KMT2C: variants seen among roughly 807,000 people sequenced by gnomAD.
The protein encoded by KMT2C is histone-lysine N-methyltransferase 2C.
KMT2C carries 88 observed loss-of-function variants against 507.9 expected under a neutral mutation model. The observed-to-expected ratio is 0.17, with a 90% CI of 0.15 to 0.21. The LOEUF is 0.21. Among genes scored for constraint, KMT2C ranks in the 10% least tolerant of loss-of-function variants. KMT2C has a pLI of 1.00. For missense variants in KMT2C, 4,954 were observed against 5,957.8 expected (o/e 0.83, Z 5.55); for synonymous variants, 2,049 against 2,080.8 (o/e 0.98, Z 0.42).
intron 1 of KMT2C, among the ~76,000 whole-genome samples, chr7:152,403,715 T>TACACACACAC (rs36191060): frequency 1.4e-5 from 2 of 145,530 alleles, no homozygotes; most frequent in African/African-American, 5.1e-5. Context: ...CTGGGACACA[T>TACACACACAC]ACACACACAC....
intron 23 of KMT2C, among the ~76,000 whole-genome samples, chr7:152,216,944 C>A (rs902033183): frequency 6.6e-6 from 1 of 152,168 alleles, no homozygotes; most frequent in African/African-American, 2.4e-5. Context: ...TGGCATGCAT[C>A]CTTGCACCTC....
intron 1 of KMT2C, among the ~76,000 whole-genome samples, chr7:152,411,100 C>T (rs2097678408): frequency 6.6e-6 from 1 of 152,008 alleles, no homozygotes; most frequent in South Asian, 2.1e-4. Context: ...ATACTTAATG[C>T]TTTAATAAGG....
chr7:152,273,585 A>C (rs2096017270), intron 7 of KMT2C, 120 bp downstream of exon 7: 2 of 1,029,246 alleles, frequency 1.9e-6, no homozygotes, highest in East Asian at 6.3e-5. Flanking sequence ...CTCAGATTTT[A>C]AAGATTATGT....
At chr7:152,347,719 T>C (rs751056598) in intron 2 of KMT2C, among the ~76,000 whole-genome samples, 1 of 152,240 alleles carries the variant, frequency 6.6e-6, no homozygotes, top group Non-Finnish European at 1.5e-5. Context: ...CTTTCAGTAA[T>C]AGATTTGTGT....
At chr7:152,381,358 AG>A (rs1287901098) in intron 1 of KMT2C, among the ~76,000 whole-genome samples, 1 of 46,746 alleles carries the variant, frequency 2.1e-5, no homozygotes, top group South Asian at 9.4e-4. Context: ...GGGGGCAGGG[AG>A]GGGGGGAGGG....
chr7:152,228,617 C>T (rs1182803837), intron 18 of KMT2C, among the ~76,000 whole-genome samples: 1 of 152,144 alleles, frequency 6.6e-6, no homozygotes, highest in African/African-American at 2.4e-5. Context: ...GTAAGTCGTA[C>T]TCATCTGTAA....
At chr7:152,267,675 T>C (rs1217237123) in intron 7 of KMT2C, among the ~76,000 whole-genome samples, 1 of 152,224 alleles carries the variant, frequency 6.6e-6, no homozygotes, top group African/African-American at 2.4e-5. Context: ...TCTGACATCC[T>C]GTCTAAATCA....
rs542205512 is a variant in KMT2C at position 152,139,765 on chromosome 7, G to A, written c.14370C>T (p.Asp4790=). ...IQGLGLYAAR[D]IEKHTMVIEY... is the part of the protein sequence containing the mutation. ...CAATGACCATGGTGTGTTTCTCAAT[G>A]TCTCGAGCAGCATACAGGCCCAGCC... is the stretch of plus-strand genomic sequence containing the variant. The change falls in exon 56 of 59, where the codon GAC becomes GAT. Residue 4790 remains aspartate, a synonymous_variant. Coordinates refer to ENST00000262189, the MANE Select transcript of KMT2C (RefSeq NM_170606.3). 2 of 1,613,960 alleles carry A rather than the reference G, an allele frequency of 1.2e-6. No individual in the cohort carries two copies. The highest frequency in any genetic ancestry group is 1.7e-5 in the Admixed American group (1 of 60,012).
chr7:152,330,341 C>G (rs537509762), intron 3 of KMT2C, among the ~76,000 whole-genome samples: 27 of 152,220 alleles, frequency 1.8e-4, no homozygotes, highest in African/African-American at 5.3e-4. Flanking sequence ...CCAGGAACAG[C>G]ACATTGGTAA....
chr7:152,306,668 T>C (rs2096617818), intron 6 of KMT2C, among the ~76,000 whole-genome samples: 1 of 152,232 alleles, frequency 6.6e-6, no homozygotes, highest in Non-Finnish European at 1.5e-5. Context: ...GTTTGTTAGG[T>C]ATCACCAAAT....
At chr7:152,364,934 GACAC>G (rs71198778) in intron 1 of KMT2C, among the ~76,000 whole-genome samples, 3,161 of 138,080 alleles carry the variant, frequency 0.023, 136 homozygotes, top group Admixed American at 0.12. Flanking sequence ...GAAACAGACA[GACAC>G]ACACACACAC....
chr7:152,377,334 A>G (rs2097336510), intron 1 of KMT2C, among the ~76,000 whole-genome samples: 1 of 152,292 alleles, frequency 6.6e-6, no homozygotes, highest in Non-Finnish European at 1.5e-5. Flanking sequence ...GCTTTGATGG[A>G]TATGTTCAGA....
chr7:152,230,290 T>A lies in KMT2C; in HGVS notation c.2801A>T (p.Asp934Val). The A allele has an allele frequency of 6.3e-7, 1 of 1,592,540 alleles. No individual in the cohort carries two copies. The change falls in exon 17 of 59, where the codon GAT (aspartate) becomes GTT (valine). Residue 934 changes from aspartate (D) to valine (V), a missense_variant. Asp to Val is a radical substitution (Grantham distance 152, BLOSUM62 -3). Around this residue, in one of 29 missense-constraint regions of KMT2C, gnomAD observed 62 missense variants for 137.2 expected, o/e 0.45. Transcript: ENST00000262189. ...VSTADISSNK[D>V]DEENSMHNTV... ...ATTGTGCATAGAGTTTTCTTCATCA[T>A]CCTTATTTGATGAAATATCTGCAGT...
chr7:152,198,811 A>C (rs1225760306), intron 27 of KMT2C, among the ~76,000 whole-genome samples: 1 of 152,132 alleles, frequency 6.6e-6, no homozygotes, highest in African/African-American at 2.4e-5. Flanking sequence ...CACAACAAAG[A>C]ATTACTGGTG....
At chr7:152,358,013 A>G (rs1318604958) in intron 2 of KMT2C, among the ~76,000 whole-genome samples, 1 of 152,204 alleles carries the variant, frequency 6.6e-6, no homozygotes, top group East Asian at 1.9e-4. Flanking sequence ...TCAATACAAT[A>G]TGAATCCTAG....
intron 1 of KMT2C, among the ~76,000 whole-genome samples, chr7:152,431,274 A>G (rs1318239841): frequency 6.6e-6 from 1 of 151,690 alleles, no homozygotes; most frequent in African/African-American, 2.4e-5. Context: ...AATTTGTATA[A>G]TAGACTAAAA....
At position 152,223,885 on chromosome 7, in the gene KMT2C, T is replaced by G. The variant is rs530368108; in HGVS notation, c.3323+130A>C. On this transcript the variant is annotated intron_variant, in intron 20 of 58. Transcript: ENST00000262189. ...TCGCTTCTGTAAGTTTCTAGGTGAC[T>G]AAAAATCTACAAGGCAAAAAGTTCT... 1,236 of 670,382 alleles carry G rather than the reference T, an allele frequency of 1.8e-3. 2 individuals carry two copies. Among genetic ancestry groups the G allele is most frequent in the Non-Finnish European group, 2.4e-3 (980 of 400,914 alleles). The allele number at this position is 670,382 out of a possible 1,614,324, so 41.5% of individuals were successfully genotyped here.
chr7:152,179,895 C>T lies in KMT2C; in HGVS notation c.7381G>A (p.Asp2461Asn), dbSNP rs561718751. 1.2e-6 allele frequency: 2 copies of T among 1,614,110 alleles called. No individual in the cohort carries two copies. The highest frequency in any genetic ancestry group is 1.7e-5 in the Admixed American group (1 of 60,034). Residue 2461 changes from aspartate to asparagine, a missense_variant, in exon 37 of 59, where the codon GAT becomes AAT. By Grantham distance (23) the Asp-to-Asn change is conservative. Transcript: ENST00000262189. ...TCAGGAGGATAGGGTCCACGCTGAT[C>T]TTTTGGGAAAACAGCATATCTAGGT... Reference protein sequence around the residue: ...LGPRYAVFPKDQRGPYPPDVA... With the variant: ...LGPRYAVFPKNQRGPYPPDVA...
intron 1 of KMT2C, among the ~76,000 whole-genome samples, chr7:152,399,147 C>A (rs761522057): frequency 2.0e-5 from 3 of 152,114 alleles, no homozygotes; most frequent in Non-Finnish European, 4.4e-5. Flanking sequence ...CTTTTATAAA[C>A]ACGCAAAACA....
Sources: gnomAD v4.1 joint callset for allele counts (sites outside exome capture counted in the v4.1 genomes callset) on GRCh38, gnomAD v4.1.1 for gene constraint, gnomAD v4.1.1 regional missense constraint, MANE v1.5 for transcripts, NCBI Gene and HGNC (gene_info 2026-07-23, HGNC 2026-07-21) for gene names.